Variants in ZNF208 observed in about 807,000 individuals in gnomAD.
ZNF208 encodes zinc finger protein 95.
ZNF208 carries 10 observed loss-of-function variants against 12.1 expected under a neutral mutation model. The ratio of observed to expected loss-of-function variants is 0.83; its 90% CI spans 0.51 to 1.40. The LOEUF (loss-of-function observed/expected upper bound fraction) is 1.40, where lower values mean the gene tolerates loss of function less well. Among genes scored for constraint, ZNF208 ranks in the 40% most tolerant of loss-of-function variants. The pLI, the probability that ZNF208 is intolerant of heterozygous loss-of-function variation, is 0.00. For synonymous variants in ZNF208, 497 were observed against 488.4 expected, an observed-to-expected ratio of 1.02 and a Z score of -0.23; for missense variants, 1,652 against 1,485.0, an observed-to-expected ratio of 1.11 and a Z score of -1.85.
intron 3 of ZNF208, among the ~76,000 whole-genome samples, chr19:21,984,340 G>T (rs191650034): frequency 5.6e-4 from 85 of 152,242 alleles, no homozygotes; most frequent in African/African-American, 2.0e-3. Flanking sequence ...GAATCACAAG[G>T]TCAGGAGATC....
At chr19:21,965,485 T>C (rs1289618978), downstream of ZNF208, among the ~76,000 whole-genome samples, 1 of 152,066 alleles carries the variant, frequency 6.6e-6, no homozygotes, top group Non-Finnish European at 1.5e-5. Flanking sequence ...CACTTGAAAT[T>C]CATGGCATCT....
rs1970215099 is a variant in ZNF208, at chr19:21,968,543, TA to T, written c.*2647del. 1 of 151,852 alleles carries T rather than the reference TA, an allele frequency of 6.6e-6. No homozygotes were observed. Among genetic ancestry groups the T allele is most frequent in the African/African-American group, 2.4e-5 (1 of 41,330 alleles). The allele number at this position is 151,852 out of a possible 1,614,324, so 9.4% of individuals were successfully genotyped here. On this transcript the variant is annotated 3_prime_UTR_variant, in exon 4 of 4. Coordinates refer to ENST00000397126, the MANE Select transcript of ZNF208 (RefSeq NM_007153.3). The stretch of plus-strand genomic sequence containing the variant: ...TTCATATATATGGAAAAGCTCACAT[TA>T]ATGTAGCAAAATAACTTTCTGATTT...
chr19:21,957,387 C>A (rs569259292), intron 4 of ZNF208, among the ~76,000 whole-genome samples: 6 of 152,294 alleles, frequency 3.9e-5, no homozygotes, highest in African/African-American at 1.4e-4. Context: ...AACGCTAGTT[C>A]TTTTACCAAG....
chr19:22,007,600 A>C (rs1971069409), intron 1 of ZNF208, among the ~76,000 whole-genome samples: 1 of 151,898 alleles, frequency 6.6e-6, no homozygotes, highest in Non-Finnish European at 1.5e-5. Flanking sequence ...TCAACAAATA[A>C]AATATATAAT....
At chr19:22,004,684 A>G (rs1393179047) in intron 1 of ZNF208, among the ~76,000 whole-genome samples, 1 of 152,190 alleles carries the variant, frequency 6.6e-6, no homozygotes, top group Admixed American at 6.5e-5. Context: ...AACCAAATGC[A>G]TGTTATTATT....
chr19:22,002,056 A>G (rs1267250102), intron 1 of ZNF208, among the ~76,000 whole-genome samples: 1 of 152,164 alleles, frequency 6.6e-6, no homozygotes, highest in Non-Finnish European at 1.5e-5. Context: ...ACAGAAATCA[A>G]TAAATGTGAT....
intron 2 of ZNF208, among the ~76,000 whole-genome samples, chr19:21,987,528 G>A (rs1396957933): frequency 6.6e-6 from 1 of 152,148 alleles, no homozygotes; most frequent in Non-Finnish European, 1.5e-5. Flanking sequence ...GGAGGCCTCC[G>A]AGGAGGAAAG....
intron 1 of ZNF208, among the ~76,000 whole-genome samples, chr19:22,001,775 C>G (rs2145582553): frequency 6.6e-6 from 1 of 151,526 alleles, no homozygotes; most frequent in South Asian, 2.1e-4. Context: ...CACCTGTAAT[C>G]CCAGCTACTC....
intron 4 of ZNF208, among the ~76,000 whole-genome samples, chr19:21,960,737 T>TCC (rs1186600354): frequency 2.0e-5 from 3 of 152,166 alleles, no homozygotes; most frequent in African/African-American, 4.8e-5. Context: ...AGTCTTTGCT[T>TCC]CCCCTTTGCC....
At position 21,970,740 on chromosome 19, in the gene ZNF208, T is replaced by G. The variant is rs921892323; in HGVS notation, c.*451A>C. 48 of 1,290,576 alleles carry G rather than the reference T, an allele frequency of 3.7e-5. No individual in the cohort carries two copies. The Admixed American group carries it at 8.1e-4, about 22-fold the overall frequency. The allele number at this position is 1,290,576 out of a possible 1,614,324, so 79.9% of individuals were successfully genotyped here. A position where few individuals can be genotyped will look rare whatever the true frequency, so the allele number is the denominator to read the frequency against. On this transcript the variant is annotated 3_prime_UTR_variant, in exon 4 of 4. Transcript: ENST00000397126. Reference sequence around the variant, plus strand: ...TCTTATGTGTAGGAGGGTTGGGAACTGTTTAAAAGCTTTGCCAAATTCTTC... The same window carrying G: ...TCTTATGTGTAGGAGGGTTGGGAACGGTTTAAAAGCTTTGCCAAATTCTTC...
At chr19:21,986,571 T>C (rs147658809) in intron 3 of ZNF208, among the ~76,000 whole-genome samples, 66 of 152,260 alleles carry the variant, frequency 4.3e-4, no homozygotes, top group African/African-American at 1.5e-3. Flanking sequence ...TGCCATATTA[T>C]CCAAAGTGAT....
At chr19:21,958,930 T>C (rs533099886) in intron 4 of ZNF208, among the ~76,000 whole-genome samples, 5 of 152,044 alleles carry the variant, frequency 3.3e-5, no homozygotes, top group African/African-American at 1.2e-4. Flanking sequence ...ACCACTTACC[T>C]ACCAAGCCAG....
At chr19:21,990,310 A>T (rs942307080) in intron 1 of ZNF208, among the ~76,000 whole-genome samples, 1 of 152,208 alleles carries the variant, frequency 6.6e-6, no homozygotes, top group African/African-American at 2.4e-5. Flanking sequence ...ATGGCTAGCC[A>T]GTTTTCCCAG....
At chr19:21,945,998 A>C (rs1330070276) in intron 4 of ZNF208, among the ~76,000 whole-genome samples, 4 of 152,180 alleles carry the variant, frequency 2.6e-5, no homozygotes, top group Non-Finnish European at 5.9e-5. Context: ...GAGAACCTAA[A>C]GCCCATTTAG....
chr19:21,947,270 ATTTG>A (rs1325875517), intron 4 of ZNF208, among the ~76,000 whole-genome samples: 3 of 152,016 alleles, frequency 2.0e-5, no homozygotes, highest in Non-Finnish European at 4.4e-5. Flanking sequence ...TTTGCATTTG[ATTTG>A]TTTTTTTCTC....
Position 21,972,087 on chromosome 19 carries a change from T to C in ZNF208, c.2947A>G (p.Ser983Gly). 1 of 1,613,616 alleles carries C rather than the reference T, an allele frequency of 6.2e-7. No homozygotes were observed. Among genetic ancestry groups the C allele is most frequent in the Non-Finnish European group, 8.5e-7 (1 of 1,179,868 alleles). Residue 983 changes from serine (S) to glycine (G), a missense_variant, in exon 4 of 4, where the codon AGT becomes GGT. Physicochemically the swap from Ser to Gly is moderately conservative, Grantham distance 56. This residue lies in a region of ZNF208 where 1,239 missense variants were observed against 1,086.2 expected (regional missense o/e 1.14). Coordinates refer to ENST00000397126, the MANE Select transcript of ZNF208 (RefSeq NM_007153.3). Reference protein sequence around the residue: ...YKYEECGKGFSTFSILTKHKV... With the variant: ...YKYEECGKGFGTFSILTKHKV... ...TGTTTAGTAAGGATTGAGAATGTAC[T>C]AAAGCCTTTGCCACATTCTTCATAT...
chr19:21,954,287 G>T (rs1361978935), intron 4 of ZNF208, among the ~76,000 whole-genome samples: 1 of 152,178 alleles, frequency 6.6e-6, no homozygotes, highest in African/African-American at 2.4e-5. Flanking sequence ...GTGTGATGTG[G>T]TGCTGAGAAG....
At chr19:21,940,780 C>G (rs1286046590) in intron 4 of ZNF208, 10 of 152,718 alleles carry the variant, frequency 6.5e-5, no homozygotes, top group Admixed American at 3.9e-4. Flanking sequence ...CTACGGGCCC[C>G]TGCACAATCC....
chr19:21,947,717 T>A (rs978752563), intron 4 of ZNF208, among the ~76,000 whole-genome samples: 43 of 152,176 alleles, frequency 2.8e-4, no homozygotes, highest in African/African-American at 9.9e-4. Flanking sequence ...CAAAAAGGAA[T>A]TTTATGTTGA....
Sources: allele counts gnomAD v4.1 joint callset (sites outside exome capture counted in the v4.1 genomes callset), GRCh38; gene constraint gnomAD v4.1.1; regional missense constraint gnomAD v4.1.1; transcripts MANE v1.5; gene names NCBI Gene and HGNC (gene_info 2026-07-23, HGNC 2026-07-21).